The following ZFPM2 variants were observed in gnomAD, a reference collection of about 807,000 sequenced individuals.
The protein encoded by ZFPM2 is zinc finger protein, FOG family member 2.
In ZFPM2, 20 loss-of-function variants were observed where a neutral mutation model predicts 98.6. That is an observed-to-expected ratio of 0.20 (90% confidence interval 0.14 to 0.29). ZFPM2 has a LOEUF of 0.29. Ranked by LOEUF, ZFPM2 falls within the 10% of genes least tolerant of loss-of-function variation. The pLI is 1.00. For missense variants in ZFPM2, 1,310 were observed against 1,388.6 expected, an observed-to-expected ratio of 0.94 and a Z score of 0.90; for synonymous variants, 518 against 502.7, an observed-to-expected ratio of 1.03 and a Z score of -0.41.
chr8:105,512,377 T>A (rs1388394527), intron 3 of ZFPM2, among the ~76,000 whole-genome samples: 3 of 152,194 alleles, frequency 2.0e-5, no homozygotes, highest in African/African-American at 7.2e-5. Context: ...TGATAATGAG[T>A]ACCCCCAACA....
intron 4 of ZFPM2, among the ~76,000 whole-genome samples, chr8:105,600,600 A>G (rs1037232880): frequency 6.6e-5 from 10 of 152,076 alleles, no homozygotes; most frequent in South Asian, 2.1e-4. Context: ...AATAAATGCT[A>G]TAGTTAATGC....
intron 4 of ZFPM2, among the ~76,000 whole-genome samples, chr8:105,598,064 A>AC (rs1368690528): frequency 6.9e-6 from 1 of 144,420 alleles, no homozygotes; most frequent in Non-Finnish European, 1.5e-5. Context: ...AAAAAAAAAA[A>AC]CCTTTTTTTT....
intron 3 of ZFPM2, among the ~76,000 whole-genome samples, chr8:105,448,994 G>A (rs892963182): frequency 6.6e-6 from 1 of 151,918 alleles, no homozygotes. Flanking sequence ...TTATGTACTC[G>A]TATTTAGAAG....
At position 105,456,150 on chromosome 8, in the gene ZFPM2, TTTTTTGTTTGTTTGTTTG is replaced by T. The variant is rs1423657193; in HGVS notation, c.301+11775_301+11792del. The stretch of plus-strand genomic sequence containing the variant: ...GATGGGGAAAACCAGGAAAATGTTT[TTTTTTGTTTGTTTGTTTG>T]TTTTTTTTTTAAGAAGGAAGGGGCT... On this transcript the variant is annotated intron_variant, in intron 3 of 7. Transcript: ENST00000407775. 1.5e-4 allele frequency among the ~76,000 whole-genome samples: 17 copies of T among 114,490 alleles called. 3 individuals carry two copies. Among genetic ancestry groups the T allele is most frequent in the East Asian group, 6.9e-4 (2 of 2,904 alleles). 75.1% of individuals were successfully genotyped at this position (114,490 alleles called of 152,430 possible).
intron 2 of ZFPM2, among the ~76,000 whole-genome samples, chr8:105,432,985 C>G (rs1421645562): frequency 6.6e-6 from 1 of 151,896 alleles, no homozygotes; most frequent in South Asian, 2.1e-4. Context: ...GCCTGTTATT[C>G]TAGCTACTTG....
At chr8:105,386,473 G>A (rs1167575571) in intron 1 of ZFPM2, among the ~76,000 whole-genome samples, 1 of 152,056 alleles carries the variant, frequency 6.6e-6, no homozygotes, top group Non-Finnish European at 1.5e-5. Flanking sequence ...AGCTCTTAAG[G>A]TGGTGTGTCT....
intron 1 of ZFPM2, among the ~76,000 whole-genome samples, chr8:105,364,694 T>C (rs2129779169): frequency 6.6e-6 from 1 of 151,440 alleles, no homozygotes; most frequent in African/African-American, 2.4e-5. Context: ...TTTTACAGGA[T>C]TGACAAAGAT....
At chr8:105,398,094 A>G (rs1256303589) in intron 1 of ZFPM2, among the ~76,000 whole-genome samples, 1 of 152,224 alleles carries the variant, frequency 6.6e-6, no homozygotes, top group Non-Finnish European at 1.5e-5. Flanking sequence ...CAGCAAAAGT[A>G]TAGGATGTAA....
chr8:105,537,482 C>T (rs1463332729), intron 3 of ZFPM2, among the ~76,000 whole-genome samples: 1 of 152,066 alleles, frequency 6.6e-6, no homozygotes, highest in Non-Finnish European at 1.5e-5. Flanking sequence ...TCAAGGCTAT[C>T]CTGGACAACA....
intron 5 of ZFPM2, among the ~76,000 whole-genome samples, chr8:105,657,781 T>C (rs1817313399): frequency 6.6e-6 from 1 of 152,196 alleles, no homozygotes; most frequent in South Asian, 2.1e-4. Context: ...AGTCATAATT[T>C]GGATCTAGGT....
At chr8:105,501,938 T>C (rs1331630833) in intron 3 of ZFPM2, among the ~76,000 whole-genome samples, 1 of 152,220 alleles carries the variant, frequency 6.6e-6, no homozygotes, top group Non-Finnish European at 1.5e-5. Flanking sequence ...AGAACATTAA[T>C]ATATATTCTT....
chr8:105,409,247 A>C (rs532106837), intron 1 of ZFPM2, among the ~76,000 whole-genome samples: 1 of 151,892 alleles, frequency 6.6e-6, no homozygotes, highest in Non-Finnish European at 1.5e-5. Context: ...AAAAATTGAC[A>C]TACTGTCCCC....
At chr8:105,454,680 A>G (rs1812553344) in intron 3 of ZFPM2, among the ~76,000 whole-genome samples, 1 of 152,130 alleles carries the variant, frequency 6.6e-6, no homozygotes, top group Non-Finnish European at 1.5e-5. Flanking sequence ...GTCATTTTTT[A>G]TGTGAATGTA....
intron 5 of ZFPM2, among the ~76,000 whole-genome samples, chr8:105,754,063 A>T (rs1048372749): frequency 6.6e-6 from 1 of 152,158 alleles, no homozygotes; most frequent in Non-Finnish European, 1.5e-5. Flanking sequence ...TGTAGCTATC[A>T]TGGTAAAGTT....
At position 105,318,869 on chromosome 8, in the gene ZFPM2, G is replaced by GGGAGCGGCGGGAGCC; in HGVS notation, c.-72_-71insGAGCGGCGGGAGCCG. ...CAGCGGCGGCGGCGGCGGCGGCGGCGGCGGGAGCCGAGGGAGCGGCAGCCG... is the reference window on the plus strand; with the variant it reads ...CAGCGGCGGCGGCGGCGGCGGCGGCGGGAGCGGCGGGAGCCGCGGGAGCCGAGGGAGCGGCAGCCG... On this transcript the variant is annotated 5_prime_UTR_variant, in exon 1 of 8. Coordinates refer to ENST00000407775, the MANE Select transcript of ZFPM2 (RefSeq NM_012082.4). 1 of 1,008,826 alleles carries GGGAGCGGCGGGAGCC rather than the reference G, an allele frequency of 9.9e-7. No individual in the cohort carries two copies. The highest frequency in any genetic ancestry group is 1.7e-5 in the African/African-American group (1 of 57,184). The allele number at this position is 1,008,826 out of a possible 1,614,324, so 62.5% of individuals were successfully genotyped here.
chr8:105,682,630 G>A (rs912734558), intron 5 of ZFPM2, among the ~76,000 whole-genome samples: 2 of 152,080 alleles, frequency 1.3e-5, no homozygotes, highest in South Asian at 2.1e-4. Flanking sequence ...ACAGAAGAAC[G>A]GAAATAAGTT....
At chr8:105,704,808 A>G (rs529108676) in intron 5 of ZFPM2, among the ~76,000 whole-genome samples, 101 of 152,306 alleles carry the variant, frequency 6.6e-4, no homozygotes, top group African/African-American at 2.4e-3. Flanking sequence ...TATCCCCTGT[A>G]TGAATCCCAG....
In ZFPM2 at chr8:105,784,334, A is replaced by G. The variant is rs542623375; in HGVS notation, c.533-4384A>G. ...TATGTCTGTTTTTAACTGGTCCACA[A>G]TAGTTGGTGATCCATAAACAAATGC... On this transcript the variant is annotated intron_variant, in intron 5 of 7. Coordinates refer to ENST00000407775, the MANE Select transcript of ZFPM2 (RefSeq NM_012082.4). 2.3e-5 allele frequency among the ~76,000 whole-genome samples: 3 copies of G among 128,462 alleles called. No individual in the cohort carries two copies. In the South Asian group the frequency reaches 6.4e-4, roughly 27 times the overall value. 84.3% of individuals were successfully genotyped at this position (128,462 alleles called of 152,430 possible). A position where few individuals can be genotyped will look rare whatever the true frequency, so the allele number is the denominator to read the frequency against.
chr8:105,712,722 T>C (rs1005049258), intron 5 of ZFPM2, among the ~76,000 whole-genome samples: 5 of 152,204 alleles, frequency 3.3e-5, no homozygotes, highest in African/African-American at 1.2e-4. Context: ...ACTCTCCTTT[T>C]GGAGTCCCCA....
Sources: allele counts gnomAD v4.1 joint callset (sites outside exome capture counted in the v4.1 genomes callset), GRCh38; gene constraint gnomAD v4.1.1; transcripts MANE v1.5; gene names NCBI Gene and HGNC (gene_info 2026-07-23, HGNC 2026-07-21).